Variants in ORC5 observed in about 807,000 individuals in gnomAD.
The protein encoded by ORC5 is origin recognition complex subunit 5, also known as protein phosphatase 1, regulatory subunit 117.
In ORC5, 39 loss-of-function variants were observed where a neutral mutation model predicts 58.8. That is an observed-to-expected ratio of 0.66 (90% confidence interval 0.51 to 0.87). ORC5 has a LOEUF of 0.87. Ranked by LOEUF, ORC5 falls within the 40% of genes least tolerant of loss-of-function variation. ORC5 has a pLI of 0.00. For synonymous variants in ORC5, 218 were observed against 177.6 expected, an observed-to-expected ratio of 1.23 and a Z score of -1.81; for missense variants, 493 against 506.3, an observed-to-expected ratio of 0.97 and a Z score of 0.25.
intron 12 of ORC5, among the ~76,000 whole-genome samples, chr7:104,139,663 T>C (rs796083499): frequency 2.0e-5 from 3 of 152,206 alleles, no homozygotes; most frequent in African/African-American, 7.2e-5. Context: ...TTCAAAAGGC[T>C]AAGACTTTAA....
intron 6 of ORC5, 103 bp downstream of exon 6, chr7:104,188,148 C>T (rs1384319877): frequency 2.0e-6 from 2 of 985,620 alleles, no homozygotes; most frequent in East Asian, 5.4e-5. Flanking sequence ...TATCTCATAC[C>T]ATTTCTACAT....
At chr7:104,196,523 G>C (rs551101201) in intron 4 of ORC5, among the ~76,000 whole-genome samples, 18 of 151,998 alleles carry the variant, frequency 1.2e-4, no homozygotes, top group Non-Finnish European at 2.4e-4. Context: ...TATACCTCTC[G>C]TCCCTCAACT....
rs759396971 is a variant in ORC5, at chr7:104,200,973, CA to C, written c.166-16del. On this transcript the variant is annotated splice_polypyrimidine_tract_variant and intron_variant, in intron 2 of 13. Coordinates refer to ENST00000297431, the MANE Select transcript of ORC5 (RefSeq NM_002553.4). ...ACATGTGGGAGCTGAAAACGAAAACCAAAACACTGTAAGTAAAGAAGAAAAC... is the reference window on the plus strand; with the variant it reads ...ACATGTGGGAGCTGAAAACGAAAACCAAACACTGTAAGTAAAGAAGAAAAC... 1.2e-5 allele frequency: 19 copies of C among 1,599,594 alleles called. No individual in the cohort carries two copies. The highest frequency in any genetic ancestry group is 3.4e-5 in the Admixed American group (2 of 59,526).
intron 6 of ORC5, among the ~76,000 whole-genome samples, chr7:104,187,185 A>C (rs1341727048): frequency 2.0e-5 from 3 of 152,148 alleles, no homozygotes; most frequent in Non-Finnish European, 4.4e-5. Flanking sequence ...TCCTCTCTGT[A>C]AGTCTCTTGT....
At chr7:104,143,009 A>C (rs1798696666) in intron 12 of ORC5, among the ~76,000 whole-genome samples, 1 of 152,226 alleles carries the variant, frequency 6.6e-6, no homozygotes, top group Non-Finnish European at 1.5e-5. Context: ...TGTAGTGAAG[A>C]GTGAACATAG....
At chr7:104,193,338 T>G (rs1349034569) in intron 5 of ORC5, among the ~76,000 whole-genome samples, 1 of 152,058 alleles carries the variant, frequency 6.6e-6, no homozygotes, top group East Asian at 1.9e-4. Flanking sequence ...AAACTGTAAG[T>G]CACTGAAATT....
Position 104,200,793 on chromosome 7 carries a change from T to C in ORC5, c.331A>G (p.Thr111Ala), listed in dbSNP as rs1305709771. 4.3e-6 allele frequency: 7 copies of C among 1,610,540 alleles called. No individual in the cohort carries two copies. The highest frequency in any genetic ancestry group is 2.2e-5 in the East Asian group (1 of 44,856). ...GTCTGATCTTTAAGATTTTCAGCTG[T>C]GGTTACTTGTTTAAACAAGCGAACA... ...DFVRLFKQVT[T>A]AENLKDQTVY... The change falls in exon 3 of 14, where the codon ACA (threonine) becomes GCA (alanine). Residue 111 changes from threonine (T) to alanine (A), a missense_variant. By Grantham distance (58) the Thr-to-Ala change is moderately conservative. This residue lies in a region of ORC5 where 412 missense variants were observed against 403.7 expected (regional missense o/e 1.02). Coordinates refer to ENST00000297431, the MANE Select transcript of ORC5 (RefSeq NM_002553.4).
At position 104,188,195 on chromosome 7, in the gene ORC5, T is replaced by TACAC. The variant is rs34643155; in HGVS notation, c.684+52_684+55dup. On this transcript the variant is annotated intron_variant, in intron 6 of 13. Coordinates refer to ENST00000297431, the MANE Select transcript of ORC5 (RefSeq NM_002553.4). ...AAATACATATATACACATATATGTATACACACACACACACACACACACATA... is the reference window on the plus strand; with the variant it reads ...AAATACATATATACACATATATGTATACACACACACACACACACACACACACATA... 4,855 of 1,016,752 alleles carry TACAC rather than the reference T, an allele frequency of 4.8e-3. 102 individuals are homozygous for TACAC. The African/African-American group carries it at 0.067, about 14-fold the overall frequency. The allele number at this position is 1,016,752 out of a possible 1,614,324, so 63.0% of individuals were successfully genotyped here. A position where few individuals can be genotyped will look rare whatever the true frequency, so the allele number is the denominator to read the frequency against.
At chr7:104,178,968 GTTAT>G (rs1390440495) in intron 8 of ORC5, among the ~76,000 whole-genome samples, 3 of 151,940 alleles carry the variant, frequency 2.0e-5, no homozygotes, top group Admixed American at 6.6e-5. Flanking sequence ...AATTCTGAAG[GTTAT>G]TTAAGGTTAT....
intron 5 of ORC5, among the ~76,000 whole-genome samples, chr7:104,192,091 G>A (rs1799689192): frequency 6.6e-6 from 1 of 152,098 alleles, no homozygotes; most frequent in African/African-American, 2.4e-5. Context: ...TAAGACTGTG[G>A]TACAAGGAGA....
chr7:104,164,302 T>C (rs1799071799), intron 11 of ORC5, among the ~76,000 whole-genome samples: 1 of 152,124 alleles, frequency 6.6e-6, no homozygotes, highest in Non-Finnish European at 1.5e-5. Context: ...CGTGTGCCTG[T>C]AGTCCCAGCT....
intron 12 of ORC5, among the ~76,000 whole-genome samples, chr7:104,148,552 G>A (rs537104003): frequency 2.0e-5 from 3 of 152,266 alleles, no homozygotes; most frequent in South Asian, 4.2e-4. Flanking sequence ...CTGCCACAGG[G>A]ATATAGAATA....
intron 5 of ORC5, among the ~76,000 whole-genome samples, chr7:104,193,738 TG>T (rs1799730438): frequency 6.7e-6 from 1 of 149,024 alleles, no homozygotes. Context: ...AAAACAAAAC[TG>T]AATATGTAAA....
intron 12 of ORC5, among the ~76,000 whole-genome samples, chr7:104,149,871 A>C: frequency 6.6e-6 from 1 of 152,352 alleles, no homozygotes; most frequent in East Asian, 1.9e-4. Flanking sequence ...ATTCACAAAG[A>C]AAAATAAAAA....
chr7:104,206,671 A>G (rs1300076077), intron 1 of ORC5, among the ~76,000 whole-genome samples: 1 of 152,186 alleles, frequency 6.6e-6, no homozygotes, highest in Non-Finnish European at 1.5e-5. Flanking sequence ...GCCACCTCAA[A>G]TTGCCATGCA....
intron 12 of ORC5, among the ~76,000 whole-genome samples, chr7:104,145,084 G>A (rs1034047322): frequency 1.3e-5 from 2 of 152,154 alleles, no homozygotes; most frequent in African/African-American, 4.8e-5. Context: ...AGGGGTCTTT[G>A]GGGGACAGTA....
At chr7:104,144,904 A>G (rs1798731442) in intron 12 of ORC5, among the ~76,000 whole-genome samples, 1 of 151,446 alleles carries the variant, frequency 6.6e-6, no homozygotes, top group East Asian at 1.9e-4. Flanking sequence ...ATCTGACAAA[A>G]AGTCTCTAGA....
At chr7:104,163,949 T>G (rs1396071653) in intron 11 of ORC5, among the ~76,000 whole-genome samples, 1 of 152,252 alleles carries the variant, frequency 6.6e-6, no homozygotes, top group Admixed American at 6.5e-5. Context: ...TTTTTAGTTT[T>G]GTCAAACCAA....
intron 8 of ORC5, among the ~76,000 whole-genome samples, chr7:104,172,541 A>G (rs530755954): frequency 2.0e-5 from 3 of 152,248 alleles, no homozygotes; most frequent in Non-Finnish European, 4.4e-5. Context: ...GGCATTCATG[A>G]GAGAAAAATG....
Sources: gnomAD v4.1 joint callset for allele counts (sites outside exome capture counted in the v4.1 genomes callset) on GRCh38, gnomAD v4.1.1 for gene constraint, gnomAD v4.1.1 regional missense constraint, MANE v1.5 for transcripts, NCBI Gene and HGNC (gene_info 2026-07-23, HGNC 2026-07-21) for gene names.